The following DNAH11 variants were observed in gnomAD, a reference collection of about 807,000 sequenced individuals.
DNAH11 encodes the protein dynein axonemal heavy chain 11.
Under a neutral mutation model 526.0 loss-of-function variants are expected in DNAH11, and 442 were observed. The observed-to-expected ratio is 0.84, with a 90% CI of 0.78 to 0.91. The LOEUF (loss-of-function observed/expected upper bound fraction) is 0.91, where lower values mean the gene tolerates loss of function less well. Ranked by LOEUF, DNAH11 falls within the 40% of genes least tolerant of loss-of-function variation. DNAH11 has a pLI of 0.00. For synonymous variants in DNAH11, 2,461 were observed against 1,935.9 expected (o/e 1.27, Z -7.12); for missense variants, 6,989 against 5,448.7 (o/e 1.28, Z -8.90).
chr7:21,877,916 T>C (rs1783781180), intron 74 of DNAH11, among the ~76,000 whole-genome samples: 1 of 146,996 alleles, frequency 6.8e-6, no homozygotes, highest in Non-Finnish European at 1.5e-5. Context: ...TTGAGGAAGA[T>C]GTAGTAAAGG....
Position 21,873,306 on chromosome 7 carries a change from C to G in DNAH11, c.12000C>G (p.Thr4000=), listed in dbSNP as rs757963137. The part of the protein sequence containing the change: ...NVHLVAKWLG[T]LEKLLERFSQ... ...ATTTGGTAGCCAAGTGGCTAGGAAC[C>G]TTGGAGAAGCTCCTTGAAAGATTCA... Residue 4000 remains threonine, a synonymous_variant, in exon 74 of 82, where the codon ACC becomes ACG. Transcript: ENST00000409508. The G allele has an allele frequency of 6.2e-7, 1 of 1,604,070 alleles. No homozygotes were observed. The highest frequency in any genetic ancestry group is 8.5e-7 in the Non-Finnish European group (1 of 1,174,908).
At chr7:21,691,167 ATTTTTTTTTTCT>A (rs1783603064) in intron 35 of DNAH11, among the ~76,000 whole-genome samples, 2 of 121,860 alleles carry the variant, frequency 1.6e-5, no homozygotes, top group African/African-American at 4.5e-5. Flanking sequence ...ATCTTTCATA[ATTTTTTTTTTCT>A]TTTTTTTTTT....
At position 21,726,935 on chromosome 7, in the gene DNAH11, CTTTT is replaced by C. The variant is rs1330445927; in HGVS notation, c.7440+964_7440+967del. 9.4e-5 allele frequency among the ~76,000 whole-genome samples: 3 copies of C among 31,990 alleles called. 1 individual carries two copies. The highest frequency in any genetic ancestry group is 4.4e-4 in the African/African-American group (3 of 6,842). The allele number at this position is 31,990 out of a possible 152,430, so 21.0% of individuals were successfully genotyped here. ...CTGTTATATTTCTGCATCCTCTTTT[CTTTT>C]TTTTTTTTTTTTGAGATGGAGTCTC... On this transcript the variant is annotated intron_variant, in intron 45 of 81. Coordinates refer to ENST00000409508, the MANE Select transcript of DNAH11 (RefSeq NM_001277115.2).
intron 45 of DNAH11, among the ~76,000 whole-genome samples, chr7:21,726,641 C>T (rs1583632116): frequency 6.6e-6 from 1 of 151,376 alleles, no homozygotes; most frequent in Non-Finnish European, 1.5e-5. Context: ...GTGGGCAGAT[C>T]ACGAGGTCAG....
At position 21,868,954 on chromosome 7, in the gene DNAH11, A is replaced by G; in HGVS notation, c.11930A>G (p.Glu3977Gly). The change falls in exon 73 of 82, where the codon GAG (glutamate) becomes GGG (glycine). Residue 3977 changes from glutamate to glycine, a missense_variant. By Grantham distance (98) the Glu-to-Gly change is moderately conservative (BLOSUM62 -2). Transcript: ENST00000409508. ...GAGACGGTGGCAGAAGTGGCCCTGG[A>G]GAAAGCTTCCAAAGGAGGACACTGG... ...GQETVAEVAL[E>G]KASKGGHWVI... The G allele has an allele frequency of 6.2e-7, 1 of 1,614,006 alleles. No individual in the cohort carries two copies. The highest frequency in any genetic ancestry group is 8.5e-7 in the Non-Finnish European group (1 of 1,179,890).
At chr7:21,870,277 C>T (rs888481700) in intron 73 of DNAH11, among the ~76,000 whole-genome samples, 3 of 152,122 alleles carry the variant, frequency 2.0e-5, no homozygotes, top group African/African-American at 7.2e-5. Flanking sequence ...CTCCAGTATC[C>T]AGGCTCGGTG....
chr7:21,649,696 C>T (rs1787539807), intron 28 of DNAH11, among the ~76,000 whole-genome samples: 3 of 148,504 alleles, frequency 2.0e-5, no homozygotes, highest in Admixed American at 6.8e-5. Context: ...CTCACTCTGT[C>T]ACCCATGCTG....
Position 21,591,534 on chromosome 7 carries a change from A to C in DNAH11, c.2624A>C (p.Lys875Thr), listed in dbSNP as rs1191137015. ...GGTGATTTGTTTACAAAAAAATACA[A>C]GTTAATCCAAGGAGATGGCTGCAAG... Reference protein sequence around the residue: ...DKGDLFTKKYKLIQGDGCKIH... With the variant: ...DKGDLFTKKYTLIQGDGCKIH... The change falls in exon 14 of 82, where the codon AAG becomes ACG. Residue 875 changes from lysine to threonine, a missense_variant. Transcript: ENST00000409508. 1.2e-5 allele frequency: 19 copies of C among 1,593,486 alleles called. No homozygotes were observed. The highest frequency in any genetic ancestry group is 1.6e-5 in the Non-Finnish European group (19 of 1,165,870).
At chr7:21,626,323 C>G (rs1007814638) in intron 25 of DNAH11, among the ~76,000 whole-genome samples, 1 of 152,074 alleles carries the variant, frequency 6.6e-6, no homozygotes, top group Non-Finnish European at 1.5e-5. Flanking sequence ...GAATAATATT[C>G]TATTGTATGT....
chr7:21,566,048 C>A (rs1055497337), intron 6 of DNAH11, among the ~76,000 whole-genome samples: 1 of 152,134 alleles, frequency 6.6e-6, no homozygotes, highest in Non-Finnish European at 1.5e-5. Flanking sequence ...AAACTACGAC[C>A]ACCACTTCCC....
At chr7:21,870,480 C>G (rs1783455391) in intron 73 of DNAH11, among the ~76,000 whole-genome samples, 2 of 151,920 alleles carry the variant, frequency 1.3e-5, no homozygotes, top group South Asian at 4.2e-4. Flanking sequence ...CTCAGAAACA[C>G]AGGAGGGTTC....
intron 77 of DNAH11, among the ~76,000 whole-genome samples, chr7:21,893,981 C>G (rs1032826291): frequency 6.6e-6 from 1 of 152,284 alleles, no homozygotes; most frequent in South Asian, 2.1e-4. Context: ...CTCTAACTCT[C>G]GGATTCAAGC....
At chr7:21,891,838 A>G (rs546196116) in intron 76 of DNAH11, among the ~76,000 whole-genome samples, 136 of 152,152 alleles carry the variant, frequency 8.9e-4, no homozygotes, top group Non-Finnish European at 9.4e-4. Context: ...TATGGCCTAT[A>G]CATGGTACTT....
intron 25 of DNAH11, among the ~76,000 whole-genome samples, chr7:21,633,542 A>AT (rs1786718634): frequency 6.6e-6 from 1 of 152,218 alleles, no homozygotes; most frequent in South Asian, 2.1e-4. Flanking sequence ...TTAAATTGTG[A>AT]TTTTTTACTT....
chr7:21,709,766 G>T (rs372777547), intron 40 of DNAH11, among the ~76,000 whole-genome samples: 1 of 152,120 alleles, frequency 6.6e-6, no homozygotes, highest in Non-Finnish European at 1.5e-5. Flanking sequence ...TGTGGAAACT[G>T]TTCAAATCAG....
At chr7:21,861,705 C>A in intron 68 of DNAH11, 148 bp from the exon 69 acceptor site, 1 of 641,308 alleles carries the variant, frequency 1.6e-6, no homozygotes, top group Non-Finnish European at 2.6e-6. Flanking sequence ...GAGCATGTAC[C>A]ATGTGCCAGA....
At position 21,545,017 on chromosome 7, in the gene DNAH11, T is replaced by A; in HGVS notation, c.363T>A (p.Asp121Glu). 6.3e-7 allele frequency: 1 copy of A among 1,586,086 alleles called. No individual in the cohort carries two copies. The change falls in exon 2 of 82, where the codon GAT (aspartate) becomes GAA (glutamate). Residue 121 changes from aspartate to glutamate, a missense_variant. By Grantham distance (45) the Asp-to-Glu change is conservative. Transcript: ENST00000409508. The stretch of plus-strand genomic sequence containing the variant: ...TGCTCTTGTTTTAGATTCCAAGAGA[T>A]GCAAACCATAAACTTGTTTTTATTT... ...RLAASQEIPR[D>E]ANHKLVFISK...
intron 57 of DNAH11, 138 bp from the exon 58 acceptor site, chr7:21,784,289 G>A (rs1788078968): frequency 3.0e-6 from 2 of 677,198 alleles, no homozygotes; most frequent in East Asian, 2.7e-5. Flanking sequence ...AAATTAGTCT[G>A]TTTAACAAAT....
At position 21,617,679 on chromosome 7, in the gene DNAH11, A is replaced by G. The variant is rs748219173; in HGVS notation, c.4156A>G (p.Thr1386Ala). Residue 1386 changes from threonine to alanine, a missense_variant, in exon 23 of 82, where the codon ACA becomes GCA. Thr to Ala is a moderately conservative substitution (Grantham distance 58). Coordinates refer to ENST00000409508, the MANE Select transcript of DNAH11 (RefSeq NM_001277115.2). ...VWDAYTGLEGTVKDMTASLRA... is the reference protein window; with the variant it reads ...VWDAYTGLEGAVKDMTASLRA... ...GGATGCTTACACGGGCCTGGAAGGC[A>G]CAGTTAAGGACATGACAGCCTCCCT... 1 of 1,613,916 alleles carries G rather than the reference A, an allele frequency of 6.2e-7. No homozygotes were observed. Among genetic ancestry groups the G allele is most frequent in the Non-Finnish European group, 8.5e-7 (1 of 1,179,840 alleles).
Sources: gnomAD v4.1 joint callset for allele counts (sites outside exome capture counted in the v4.1 genomes callset) on GRCh38, gnomAD v4.1.1 for gene constraint, MANE v1.5 for transcripts, NCBI Gene and HGNC (gene_info 2026-07-23, HGNC 2026-07-21) for gene names.